FGF10: variants seen among roughly 807,000 people sequenced by gnomAD.
FGF10 encodes the protein fibroblast growth factor 10.
In FGF10, 2 loss-of-function variants were observed where a neutral mutation model predicts 19.8. The observed-to-expected ratio is 0.10, with a 90% CI of 0.04 to 0.32. The LOEUF is 0.32. FGF10 is among the 10% of genes least tolerant of loss of function. The probability of loss-of-function intolerance (pLI) is 1.00; values close to 1 mark genes in which losing one functional copy is unlikely to be tolerated. For missense variants in FGF10, 191 were observed against 246.3 expected (o/e 0.78, Z 1.50); for synonymous variants, 112 against 94.0 (o/e 1.19, Z -1.10).
At chr5:44,333,547 C>T (rs912560677) in intron 1 of FGF10, among the ~76,000 whole-genome samples, 2 of 152,108 alleles carry the variant, frequency 1.3e-5, no homozygotes, top group African/African-American at 2.4e-5. Flanking sequence ...AAGCAAACAT[C>T]GGCCATTATT....
intron 1 of FGF10, among the ~76,000 whole-genome samples, chr5:44,329,541 T>C (rs1236776214): frequency 2.0e-5 from 3 of 152,082 alleles, no homozygotes; most frequent in Non-Finnish European, 4.4e-5. Context: ...GATAGTTTCT[T>C]AACTTGGCAT....
chr5:44,322,752 G>C (rs1356271891), intron 1 of FGF10, among the ~76,000 whole-genome samples: 1 of 151,744 alleles, frequency 6.6e-6, no homozygotes, highest in Non-Finnish European at 1.5e-5. Context: ...CAACCAAAAT[G>C]AGATTATGGA....
chr5:44,328,479 C>T (rs1017314611), intron 1 of FGF10, among the ~76,000 whole-genome samples: 4 of 152,118 alleles, frequency 2.6e-5, no homozygotes, highest in Admixed American at 6.5e-5. Flanking sequence ...GTCTAATGGT[C>T]GGGCATGGTG....
chr5:44,334,747 A>G (rs1257144114), intron 1 of FGF10, among the ~76,000 whole-genome samples: 1 of 152,144 alleles, frequency 6.6e-6, no homozygotes, highest in African/African-American at 2.4e-5. Flanking sequence ...ACTATTGCAG[A>G]GTAGTTACCA....
rs373010517 is a variant in FGF10, at chr5:44,329,232, G to A, written c.326-18702C>T. ...TCCCAGGCTGGCCTGGCTGGAGTGC[G>A]CTAGTGCAATCTCAGATCACTGCAA... On this transcript the variant is annotated intron_variant, in intron 1 of 2. Coordinates refer to ENST00000264664, the MANE Select transcript of FGF10 (RefSeq NM_004465.2). 1.0e-3 allele frequency among the ~76,000 whole-genome samples: 158 copies of A among 152,160 alleles called. 3 individuals carry two copies. The highest frequency in any genetic ancestry group is 3.6e-3 in the African/African-American group (148 of 41,538).
At position 44,363,989 on chromosome 5, in the gene FGF10, A is replaced by G. The variant is rs1024613910; in HGVS notation, c.325+24369T>C. Reference sequence around the variant, plus strand: ...TGAATTGCATTGTAGAATTCACTATATATTTCAGACACTCACAACCTCAGG... The same window carrying G: ...TGAATTGCATTGTAGAATTCACTATGTATTTCAGACACTCACAACCTCAGG... On this transcript the variant is annotated intron_variant, in intron 1 of 2. Coordinates refer to ENST00000264664, the MANE Select transcript of FGF10 (RefSeq NM_004465.2). Among the ~76,000 whole-genome samples the G allele has an allele frequency of 3.3e-5, 5 of 151,798 alleles. No individual in the cohort carries two copies. In the East Asian group the frequency reaches 5.8e-4, roughly 18 times the overall value.
chr5:44,312,370 G>A (rs202104997), intron 1 of FGF10, among the ~76,000 whole-genome samples: 5 of 152,086 alleles, frequency 3.3e-5, no homozygotes, highest in East Asian at 1.9e-4. Context: ...GATAAAGGTC[G>A]GTAATAATGG....
chr5:44,387,541 G>T lies in FGF10; in HGVS notation c.325+817C>A, dbSNP rs1414204710. Among the ~76,000 whole-genome samples the T allele has an allele frequency of 2.6e-5, 4 of 152,210 alleles. No homozygotes were observed. The East Asian group carries it at 7.7e-4, about 29-fold the overall frequency. On this transcript the variant is annotated intron_variant, in intron 1 of 2. Coordinates refer to ENST00000264664, the MANE Select transcript of FGF10 (RefSeq NM_004465.2). The stretch of plus-strand genomic sequence containing the variant: ...TCCAGTCCCAGATGTTTACAATGCT[G>T]TAGTAGTATGGCTCTGCAATATGAG...
chr5:44,347,794 G>T (rs1466603934), intron 1 of FGF10, among the ~76,000 whole-genome samples: 6 of 151,662 alleles, frequency 4.0e-5, no homozygotes, highest in Admixed American at 1.3e-4. Context: ...ATTCCATTGT[G>T]CTGGTGGAGG....
chr5:44,307,999 T>G (rs1437945911), intron 2 of FGF10, among the ~76,000 whole-genome samples: 2 of 152,208 alleles, frequency 1.3e-5, no homozygotes, highest in African/African-American at 4.8e-5. Context: ...TGGTTCTAAG[T>G]GCTGAACAAA....
intron 1 of FGF10, among the ~76,000 whole-genome samples, chr5:44,332,697 C>T (rs1226474238): frequency 3.9e-5 from 6 of 152,140 alleles, no homozygotes; most frequent in Admixed American, 3.3e-4. Context: ...GATTTCAGTG[C>T]TGCTGGTCCT....
intron 1 of FGF10, among the ~76,000 whole-genome samples, chr5:44,375,768 A>G (rs1238209836): frequency 6.6e-6 from 1 of 151,970 alleles, no homozygotes; most frequent in Non-Finnish European, 1.5e-5. Context: ...CCAGAACAAG[A>G]GACATTTACT....
chr5:44,357,808 A>G (rs1741382565), intron 1 of FGF10, among the ~76,000 whole-genome samples: 1 of 151,490 alleles, frequency 6.6e-6, no homozygotes, highest in Non-Finnish European at 1.5e-5. Flanking sequence ...GTATAGCCAA[A>G]TAAGTGCTTT....
At chr5:44,311,945 T>C (rs1305221761) in intron 1 of FGF10, among the ~76,000 whole-genome samples, 1 of 152,048 alleles carries the variant, frequency 6.6e-6, no homozygotes. Context: ...TGGAGGCCAA[T>C]AGAAATGCTT....
intron 1 of FGF10, among the ~76,000 whole-genome samples, chr5:44,372,016 G>A (rs1236740906): frequency 1.3e-5 from 2 of 152,106 alleles, no homozygotes; most frequent in Admixed American, 6.6e-5. Context: ...TTAGATTCCT[G>A]TATTACTTTT....
chr5:44,318,785 C>T (rs1418600689), intron 1 of FGF10, among the ~76,000 whole-genome samples: 1 of 152,046 alleles, frequency 6.6e-6, no homozygotes, highest in African/African-American at 2.4e-5. Context: ...TATTTTTCCC[C>T]AAAGTACTAA....
chr5:44,372,160 T>C (rs1482218922), intron 1 of FGF10, among the ~76,000 whole-genome samples: 2 of 152,164 alleles, frequency 1.3e-5, no homozygotes, highest in African/African-American at 4.8e-5. Context: ...CAGGGCTGTA[T>C]TCCATCTAGA....
At chr5:44,355,324 C>T (rs1439632925) in intron 1 of FGF10, among the ~76,000 whole-genome samples, 1 of 151,184 alleles carries the variant, frequency 6.6e-6, no homozygotes, top group African/African-American at 2.4e-5. Flanking sequence ...AAATTATATT[C>T]CCTTTGTACA....
intron 1 of FGF10, among the ~76,000 whole-genome samples, chr5:44,356,650 T>G (rs544588339): frequency 2.6e-5 from 4 of 151,590 alleles, no homozygotes; most frequent in African/African-American, 9.6e-5. Flanking sequence ...ACGCCTTTAT[T>G]CAATATAAGA....
Sources: gnomAD v4.1 joint callset for allele counts (sites outside exome capture counted in the v4.1 genomes callset) on GRCh38, gnomAD v4.1.1 for gene constraint, MANE v1.5 for transcripts, NCBI Gene and HGNC (gene_info 2026-07-23, HGNC 2026-07-21) for gene names.